Variants in NDUFB8 observed in about 807,000 individuals in gnomAD.
The protein encoded by NDUFB8 is NADH:ubiquinone oxidoreductase subunit B8.
A neutral mutation model predicts 26.0 loss-of-function variants in NDUFB8; 17 were observed. The ratio of observed to expected loss-of-function variants is 0.65; its 90% CI spans 0.45 to 0.98. The LOEUF (loss-of-function observed/expected upper bound fraction) is 0.98, where lower values mean the gene tolerates loss of function less well. Among genes scored for constraint, NDUFB8 ranks in the 50% least tolerant of loss-of-function variants. The pLI is 0.00. For synonymous variants in NDUFB8, 89 were observed against 93.1 expected (o/e 0.96, Z 0.25); for missense variants, 238 against 255.0 (o/e 0.93, Z 0.45).
chr10:100,527,751 G>A (rs139581775), intron 2 of NDUFB8, among the ~76,000 whole-genome samples: 315 of 152,242 alleles, frequency 2.1e-3, no homozygotes, highest in Middle Eastern at 0.017. Flanking sequence ...AGTCAATGAC[G>A]GACAACATAC....
rs1335681657 is a variant in NDUFB8 at position 100,523,917 on chromosome 10, A to C, written c.481T>G (p.Tyr161Asp). 3 of 1,614,182 alleles carry C rather than the reference A, an allele frequency of 1.9e-6. No homozygotes were observed. The highest frequency in any genetic ancestry group is 2.5e-6 in the Non-Finnish European group (3 of 1,180,040). Residue 161 changes from tyrosine (Y) to aspartate (D), a missense_variant, in exon 5 of 5, where the codon TAT (tyrosine) becomes GAT (aspartate). Transcript: ENST00000299166. ...TCCAGGTACAGATTATTGTAAGGAT[A>C]CTGCTTTGGTCCCTACAGAAAAAAA... ...PVYQPVGPKQ[Y>D]PYNNLYLERG...
At chr10:100,525,615 CGTGTGTGTGTGTGTGTGT>C (rs56705301) in intron 4 of NDUFB8, among the ~76,000 whole-genome samples, 60 of 100,160 alleles carry the variant, frequency 6.0e-4, no homozygotes, top group East Asian at 1.9e-3. Context: ...CCACCCAAAG[CGTGTGTGTGTGTGTGTGT>C]GTGTGTGTGT....
chr10:100,526,642 T>TCTA, intron 3 of NDUFB8, 88 bp from the exon 4 acceptor site: 1 of 1,482,670 alleles, frequency 6.7e-7, no homozygotes, highest in Non-Finnish European at 9.3e-7. Flanking sequence ...GATACAAGGC[T>TCTA]AGACAGAAGC....
At chr10:100,527,149 T>C (rs1000314319) in intron 2 of NDUFB8, 75 bp from the exon 3 acceptor site, 40 of 1,242,304 alleles carry the variant, frequency 3.2e-5, no homozygotes, top group African/African-American at 1.3e-4. Context: ...ATCTTATAGA[T>C]GAGAAACAAA....
chr10:100,527,647 T>C (rs1852075187), intron 2 of NDUFB8, among the ~76,000 whole-genome samples: 1 of 152,018 alleles, frequency 6.6e-6, no homozygotes, highest in South Asian at 2.1e-4. Context: ...CCAAACTTCT[T>C]TCAATAAAAA....
At chr10:100,528,864 AC>A (rs1362589301) in intron 2 of NDUFB8, among the ~76,000 whole-genome samples, 4 of 152,224 alleles carry the variant, frequency 2.6e-5, no homozygotes, top group Admixed American at 6.5e-5. Context: ...GATAACATCA[AC>A]TGGAGTACGT....
chr10:100,527,206 A>C, intron 2 of NDUFB8, 132 bp from the exon 3 acceptor site: 1 of 691,304 alleles, frequency 1.4e-6, no homozygotes, highest in Non-Finnish European at 2.5e-6. Flanking sequence ...ACTAAACCTC[A>C]AGGCAAGAGC....
At position 100,524,906 on chromosome 10, in the gene NDUFB8, T is replaced by C. The variant is rs1418920996; in HGVS notation, c.469-977A>G. On this transcript the variant is annotated intron_variant, in intron 4 of 4. Transcript: ENST00000299166. The surrounding 1 kb of genome is among the most constrained non-coding windows in gnomAD (Gnocchi z 4.0). ...GCTAGCACAGTCTGCATCTGGTACA[T>C]AGTACAGGCTCCATAAATATTTGTT... Among the ~76,000 whole-genome samples the C allele has an allele frequency of 6.6e-6, 1 of 152,220 alleles. No homozygotes were observed. Among genetic ancestry groups the C allele is most frequent in the Non-Finnish European group, 1.5e-5 (1 of 68,038 alleles).
chr10:100,526,665 T>C (rs1241678224), intron 3 of NDUFB8, 111 bp from the exon 4 acceptor site: 6 of 1,299,582 alleles, frequency 4.6e-6, no homozygotes, highest in East Asian at 2.4e-5. Flanking sequence ...TCTACTGCCC[T>C]GGGACAATAT....
At chr10:100,525,542 A>T (rs1852029179) in intron 4 of NDUFB8, among the ~76,000 whole-genome samples, 1 of 151,836 alleles carries the variant, frequency 6.6e-6, no homozygotes, top group Non-Finnish European at 1.5e-5. Flanking sequence ...TACAGGCGCA[A>T]ACCACCATAC....
intron 2 of NDUFB8, among the ~76,000 whole-genome samples, chr10:100,528,521 T>C (rs918679307): frequency 2.0e-5 from 3 of 152,222 alleles, no homozygotes; most frequent in Non-Finnish European, 4.4e-5. Flanking sequence ...GTAATAACTG[T>C]GTTCTTGACC....
At chr10:100,528,283 C>T (rs1852085677) in intron 2 of NDUFB8, among the ~76,000 whole-genome samples, 1 of 152,142 alleles carries the variant, frequency 6.6e-6, no homozygotes, top group Non-Finnish European at 1.5e-5. Context: ...TGTAGCAGGC[C>T]ATACCATCTA....
intron 2 of NDUFB8, 80 bp from the exon 3 acceptor site, chr10:100,527,154 A>G: frequency 8.4e-7 from 1 of 1,186,056 alleles, no homozygotes; most frequent in South Asian, 1.3e-5. Flanking sequence ...ATAGATGAGA[A>G]ACAAAGTGAC....
intron 2 of NDUFB8, among the ~76,000 whole-genome samples, chr10:100,528,006 G>T (rs1333779851): frequency 1.3e-5 from 2 of 152,178 alleles, no homozygotes; most frequent in African/African-American, 4.8e-5. Flanking sequence ...TTTTAGCAGA[G>T]ACAGGGTTTC....
chr10:100,528,366 C>A (rs539942327), intron 2 of NDUFB8, among the ~76,000 whole-genome samples: 2 of 152,262 alleles, frequency 1.3e-5, no homozygotes, highest in African/African-American at 4.8e-5. Flanking sequence ...CAGAATGTAT[C>A]CCTGTTGTTA....
Position 100,523,871 on chromosome 10 carries a change from T to G in NDUFB8, c.527A>C (p.Lys176Thr). The G allele has an allele frequency of 6.2e-7, 1 of 1,614,190 alleles. No homozygotes were observed. Among genetic ancestry groups the G allele is most frequent in the Non-Finnish European group, 8.5e-7 (1 of 1,180,042 alleles). Residue 176 changes from lysine (K) to threonine (T), a missense_variant, in exon 5 of 5, where the codon AAA becomes ACA. Lys to Thr is a moderately conservative substitution (Grantham distance 78). Transcript: ENST00000299166. ...ATAGTGAACCACCCGCTCTGGTTCT[T>G]TGGAGGGATCACCGCCTCGTTCCAG... ...LYLERGGDPS[K>T]EPERVVHYEI
At chr10:100,527,988 T>G (rs537318969) in intron 2 of NDUFB8, among the ~76,000 whole-genome samples, 2 of 152,250 alleles carry the variant, frequency 1.3e-5, no homozygotes, top group Admixed American at 1.3e-4. Context: ...CCCAGCTAAT[T>G]TTTGTATTTT....
At chr10:100,529,728 C>T (rs755388784) in intron 1 of NDUFB8, 39 bp downstream of exon 1, 10 of 1,594,820 alleles carry the variant, frequency 6.3e-6, no homozygotes, top group Non-Finnish European at 8.6e-6. Context: ...ATTTCAGGTA[C>T]CCCCTTCCCA....
chr10:100,524,034 C>T lies in NDUFB8; in HGVS notation c.469-105G>A. On this transcript the variant is annotated intron_variant, in intron 4 of 4. Transcript: ENST00000299166. This position sits in a 1 kb window ranked among gnomAD's most constrained non-coding sequence, Gnocchi z 4.0. ...GCATGGTAAATGGGTACACAGTAGCCTCTGGTCAGACCCAGCTGGGCTAGG... is the reference window on the plus strand; with the variant it reads ...GCATGGTAAATGGGTACACAGTAGCTTCTGGTCAGACCCAGCTGGGCTAGG... 1.3e-6 allele frequency: 2 copies of T among 1,589,920 alleles called. No homozygotes were observed. The highest frequency in any genetic ancestry group is 1.7e-6 in the Non-Finnish European group (2 of 1,167,454).
Sources: gnomAD v4.1 joint callset for allele counts (sites outside exome capture counted in the v4.1 genomes callset) on GRCh38, gnomAD v4.1.1 for gene constraint, Gnocchi (gnomAD v3.1) non-coding constraint, MANE v1.5 for transcripts, NCBI Gene and HGNC (gene_info 2026-07-23, HGNC 2026-07-21) for gene names.